CTTNBP2: variants seen among roughly 807,000 people sequenced by gnomAD.
CTTNBP2 encodes cortactin binding protein 2, also known as cortactin-binding protein 2.
Under a neutral mutation model 156.9 loss-of-function variants are expected in CTTNBP2, and 108 were observed. The observed-to-expected ratio is 0.69, with a 90% CI of 0.59 to 0.81. The LOEUF is 0.81. Among genes scored for constraint, CTTNBP2 ranks in the 30% least tolerant of loss-of-function variants. The pLI is 0.00. For missense variants in CTTNBP2, 1,924 were observed against 2,035.4 expected, an observed-to-expected ratio of 0.95 and a Z score of 1.05; for synonymous variants, 767 against 751.8, an observed-to-expected ratio of 1.02 and a Z score of -0.33.
chr7:117,829,954 T>C (rs1173123999), intron 2 of CTTNBP2, among the ~76,000 whole-genome samples: 3 of 152,236 alleles, frequency 2.0e-5, no homozygotes, highest in Non-Finnish European at 4.4e-5. Flanking sequence ...ACATGGATTC[T>C]TGCAGCTGTG....
chr7:117,864,653 GATGT>G (rs1202237903), intron 1 of CTTNBP2, among the ~76,000 whole-genome samples: 1 of 145,296 alleles, frequency 6.9e-6, no homozygotes, highest in Non-Finnish European at 1.5e-5. Flanking sequence ...CATATATCTA[GATGT>G]ATGAATATAT....
intron 4 of CTTNBP2, among the ~76,000 whole-genome samples, chr7:117,790,657 C>T (rs1466532419): frequency 2.7e-5 from 4 of 150,378 alleles, no homozygotes; most frequent in Non-Finnish European, 5.9e-5. Flanking sequence ...ATACCAATTA[C>T]GGAACAAATC....
chr7:117,806,751 T>G (rs1799970387), intron 3 of CTTNBP2, among the ~76,000 whole-genome samples: 2 of 146,880 alleles, frequency 1.4e-5, no homozygotes, highest in Admixed American at 6.8e-5. Context: ...CTCATTTTTT[T>G]TTTTTTTTTT....
At chr7:117,829,334 A>G (rs1801472106) in intron 2 of CTTNBP2, among the ~76,000 whole-genome samples, 1 of 152,208 alleles carries the variant, frequency 6.6e-6, no homozygotes, top group African/African-American at 2.4e-5. Flanking sequence ...CAAAAATAAT[A>G]AAGTTAGGAT....
chr7:117,810,584 T>C (rs191633922), intron 3 of CTTNBP2, among the ~76,000 whole-genome samples, 181 bp downstream of exon 3: 17 of 152,342 alleles, frequency 1.1e-4, no homozygotes, highest in African/African-American at 4.1e-4. Flanking sequence ...TAGTGTTATT[T>C]TGAGTTACAC....
intron 1 of CTTNBP2, among the ~76,000 whole-genome samples, chr7:117,866,263 A>C (rs969992161): frequency 6.6e-5 from 10 of 152,132 alleles, no homozygotes; most frequent in African/African-American, 2.2e-4. Context: ...AATTCAATAG[A>C]TACAGCTAAA....
chr7:117,715,419 C>A (rs1226188737), intron 22 of CTTNBP2, among the ~76,000 whole-genome samples: 1 of 143,762 alleles, frequency 7.0e-6, no homozygotes, highest in Non-Finnish European at 1.5e-5. Flanking sequence ...CACCAGGGAC[C>A]TTTAAAAAAC....
chr7:117,841,916 A>T (rs762594431), intron 2 of CTTNBP2, among the ~76,000 whole-genome samples: 2 of 152,172 alleles, frequency 1.3e-5, no homozygotes, highest in Non-Finnish European at 2.9e-5. Context: ...AGGACAGCAA[A>T]CAGCAGGGAT....
rs1803939371 is a variant in CTTNBP2 at position 117,863,962 on chromosome 7, TGC to T, written c.82-2648_82-2647del. 4.6e-5 allele frequency among the ~76,000 whole-genome samples: 7 copies of T among 152,380 alleles called. 1 individual carries two copies. The highest frequency in any genetic ancestry group is 2.6e-4 in the Admixed American group (4 of 15,312). ...GAGTGTAATGCTTTATTAATGATGC[TGC>T]TGGTTGCTCTAAAGATTTTAATTAA... On this transcript the variant is annotated intron_variant, in intron 1 of 22. Transcript: ENST00000160373.
intron 2 of CTTNBP2, among the ~76,000 whole-genome samples, chr7:117,837,579 C>T (rs1388098675): frequency 2.0e-5 from 3 of 152,122 alleles, no homozygotes; most frequent in African/African-American, 7.2e-5. Flanking sequence ...TTCATGTACA[C>T]AGTAAGATAT....
rs1489408679 is a variant in CTTNBP2, at chr7:117,745,997, T to C, written c.3435+16A>G. ...AATTTTCAAAGAAAAGCAGCTGATA[T>C]ACAAGTAATCAATACCTTCAGGCAG... is the stretch of plus-strand genomic sequence containing the variant. On this transcript the variant is annotated intron_variant, in intron 13 of 22. Transcript: ENST00000160373. The C allele has an allele frequency of 1.2e-6, 2 of 1,612,242 alleles. No individual in the cohort carries two copies. The highest frequency in any genetic ancestry group is 1.7e-6 in the Non-Finnish European group (2 of 1,178,240).
At chr7:117,783,055 G>C in intron 5 of CTTNBP2, 94 bp from the exon 6 acceptor site, 3 of 833,982 alleles carry the variant, frequency 3.6e-6, no homozygotes, top group Non-Finnish European at 5.9e-6. Context: ...TAATCCCAAA[G>C]GGACTCTCCC....
In CTTNBP2 at chr7:117,731,470, G is replaced by A. The variant is rs560747775; in HGVS notation, c.3877-3203C>T. Among the ~76,000 whole-genome samples the A allele has an allele frequency of 3.3e-5, 5 of 152,308 alleles. No homozygotes were observed. The South Asian group carries it at 1.0e-3, about 32-fold the overall frequency. ...TCTTTTTGAAGGCCTGTCTTTCCAT[G>A]AGAACACTAGCTCTCTGAGGGTGAG... On this transcript the variant is annotated intron_variant, in intron 16 of 22. Transcript: ENST00000160373.
chr7:117,813,937 T>A (rs1320188635), intron 2 of CTTNBP2, among the ~76,000 whole-genome samples: 11 of 152,238 alleles, frequency 7.2e-5, no homozygotes, highest in African/African-American at 2.2e-4. Flanking sequence ...TTACAATAAT[T>A]TGCATCTTGT....
At chr7:117,755,611 T>C (rs1360531907) in intron 12 of CTTNBP2, 2 of 463,044 alleles carry the variant, frequency 4.3e-6, no homozygotes, top group South Asian at 3.1e-5. Context: ...AGGGATGTTT[T>C]GAAGAATAAA....
Position 117,735,022 on chromosome 7 carries a change from C to G in CTTNBP2, c.3767G>C (p.Gly1256Ala), listed in dbSNP as rs1795604462. The G allele has an allele frequency of 6.2e-7, 1 of 1,614,198 alleles. No homozygotes were observed. Residue 1256 changes from glycine to alanine, a missense_variant, in exon 16 of 23, where the codon GGC (glycine) becomes GCC (alanine). Transcript: ENST00000160373. ...ATGCTGCTGCACCAGCAAGTCGGAGCCCTGGAGACAGGCCTTGGCGATGGT... is the reference window on the plus strand; with the variant it reads ...ATGCTGCTGCACCAGCAAGTCGGAGGCCTGGAGACAGGCCTTGGCGATGGT... ...MGTIAKACLQGSDLLVQQHFR... is the reference protein window; with the variant it reads ...MGTIAKACLQASDLLVQQHFR...
chr7:117,836,702 A>G (rs1315198584), intron 2 of CTTNBP2, among the ~76,000 whole-genome samples: 2 of 152,192 alleles, frequency 1.3e-5, no homozygotes, highest in Non-Finnish European at 2.9e-5. Flanking sequence ...CATACCCGAC[A>G]TTGGGTGATT....
intron 12 of CTTNBP2, among the ~76,000 whole-genome samples, chr7:117,750,849 A>G (rs35652479): frequency 0.029 from 4,485 of 152,296 alleles, 225 homozygotes; most frequent in African/African-American, 0.1. Flanking sequence ...TGGGATATAA[A>G]TATTCTAATT....
In CTTNBP2 at chr7:117,757,887, C is replaced by T. The variant is rs1350616669; in HGVS notation, c.3256G>A (p.Val1086Met). ...MRKNKAEHIT[V>M]LLSGPQEGCL... ...GGGACATCCTTACCTGACAAAAGCA[C>T]AGTGATGTGCTCTGCCTTATTCTTC... The change falls in exon 11 of 23, where the codon GTG becomes ATG. Residue 1086 changes from valine (V) to methionine (M), a missense_variant. Physicochemically the swap from Val to Met is conservative, Grantham distance 21. Transcript: ENST00000160373. The T allele has an allele frequency of 3.7e-6, 6 of 1,609,602 alleles. No homozygotes were observed. Among genetic ancestry groups the T allele is most frequent in the Non-Finnish European group, 5.1e-6 (6 of 1,178,204 alleles).
Sources: allele counts gnomAD v4.1 joint callset (sites outside exome capture counted in the v4.1 genomes callset), GRCh38; gene constraint gnomAD v4.1.1; transcripts MANE v1.5; gene names NCBI Gene and HGNC (gene_info 2026-07-23, HGNC 2026-07-21).